COL11A1: variants seen among roughly 807,000 people sequenced by gnomAD.
COL11A1 encodes collagen type XI alpha 1 chain.
A neutral mutation model predicts 265.2 loss-of-function variants in COL11A1; 74 were observed. The observed-to-expected ratio is 0.28, with a 90% CI of 0.23 to 0.34. COL11A1 has a LOEUF of 0.34. Among genes scored for constraint, COL11A1 ranks in the 10% least tolerant of loss-of-function variants. The pLI, the probability that COL11A1 is intolerant of heterozygous loss-of-function variation, is 1.00. For missense variants in COL11A1, 2,165 were observed against 2,263.6 expected (o/e 0.96, Z 0.88); for synonymous variants, 816 against 727.6 (o/e 1.12, Z -1.96).
chr1:102,955,849 C>G (rs1266207623), intron 41 of COL11A1, among the ~76,000 whole-genome samples: 2 of 152,148 alleles, frequency 1.3e-5, no homozygotes, highest in Non-Finnish European at 2.9e-5. Context: ...TGTTCAGTCT[C>G]TTGCTACTTT....
chr1:102,965,511 C>A lies in COL11A1; in HGVS notation c.2892G>T (p.Gly964=). The change falls in exon 38 of 67, where the codon GGG becomes GGT. Residue 964 remains glycine (G), a synonymous_variant. Coordinates refer to ENST00000370096, the MANE Select transcript of COL11A1 (RefSeq NM_001854.4). ...CCTGTGGTCCAACCACTCCCCCTGG[C>A]CCAGGAGGGCCGGTCTTGCCTTGAA... ...TGFQGKTGPP[G]PGGVVGPQGP... 1 of 1,613,594 alleles carries A rather than the reference C, an allele frequency of 6.2e-7. No individual in the cohort carries two copies. The highest frequency in any genetic ancestry group is 1.1e-5 in the South Asian group (1 of 91,066).
chr1:103,038,334 G>A (rs899104185), intron 4 of COL11A1, among the ~76,000 whole-genome samples: 4 of 151,998 alleles, frequency 2.6e-5, no homozygotes, highest in African/African-American at 9.7e-5. Context: ...GCATGGTGGC[G>A]CATGCTTGTA....
At position 102,876,835 on chromosome 1, in the gene COL11A1, A is replaced by G. The variant is rs1649555640; in HGVS notation, c.*1184T>C. Reference sequence around the variant, plus strand: ...GATTTTCCTGAATGACTTAAAACAAATACTCTTAATAACAGTCCACCATAT... The same window carrying G: ...GATTTTCCTGAATGACTTAAAACAAGTACTCTTAATAACAGTCCACCATAT... On this transcript the variant is annotated 3_prime_UTR_variant, in exon 67 of 67. Transcript: ENST00000370096. 5 of 152,238 alleles carry G rather than the reference A, an allele frequency of 3.3e-5. No homozygotes were observed. In the South Asian group the frequency reaches 1.0e-3, roughly 32 times the overall value. The allele number at this position is 152,238 out of a possible 1,614,324, so 9.4% of individuals were successfully genotyped here. A position where few individuals can be genotyped will look rare whatever the true frequency, so the allele number is the denominator to read the frequency against.
intron 1 of COL11A1, among the ~76,000 whole-genome samples, chr1:103,095,213 G>A (rs1252615535): frequency 6.6e-6 from 1 of 151,996 alleles, no homozygotes; most frequent in Non-Finnish European, 1.5e-5. Flanking sequence ...TGACCTAGAT[G>A]CTGCTAACAT....
At chr1:103,035,288 T>A (rs1183401635) in intron 4 of COL11A1, among the ~76,000 whole-genome samples, 1 of 152,062 alleles carries the variant, frequency 6.6e-6, no homozygotes, top group Non-Finnish European at 1.5e-5. Flanking sequence ...TTTAAGCTGA[T>A]CCCCTTTTGA....
chr1:103,080,327 A>G (rs778108448), intron 2 of COL11A1, among the ~76,000 whole-genome samples: 1 of 151,950 alleles, frequency 6.6e-6, no homozygotes, highest in Non-Finnish European at 1.5e-5. Flanking sequence ...AAATAGGATT[A>G]CATTTAACTA....
intron 41 of COL11A1, among the ~76,000 whole-genome samples, chr1:102,951,464 A>G (rs555776312): frequency 5.3e-5 from 8 of 152,298 alleles, no homozygotes; most frequent in Admixed American, 1.3e-4. Context: ...TTGGGAGGCC[A>G]AGGCGGGCGG....
At chr1:103,064,012 C>T (rs536496654) in intron 4 of COL11A1, among the ~76,000 whole-genome samples, 1 of 152,188 alleles carries the variant, frequency 6.6e-6, no homozygotes, top group South Asian at 2.1e-4. Context: ...GAAACCACAA[C>T]ATACCAAAAG....
intron 13 of COL11A1, among the ~76,000 whole-genome samples, chr1:103,012,910 C>G (rs1029269423): frequency 1.4e-4 from 21 of 152,014 alleles, no homozygotes; most frequent in African/African-American, 5.1e-4. Context: ...TAAAACAAAA[C>G]TGGTCAGGAA....
At chr1:102,930,150 A>G (rs12133782) in intron 46 of COL11A1, among the ~76,000 whole-genome samples, 29,294 of 152,032 alleles carry the variant, frequency 0.19, 3,581 homozygotes, top group African/African-American at 0.34. Context: ...TGGTGAGAGA[A>G]GGCATCCCTG....
At chr1:102,962,328 A>G (rs1660998086) in intron 39 of COL11A1, 63 bp from the exon 40 acceptor site, 5 of 1,235,814 alleles carry the variant, frequency 4.0e-6, no homozygotes, top group East Asian at 4.6e-5. Context: ...TACAAACAAA[A>G]TTGTGATTAC....
intron 4 of COL11A1, among the ~76,000 whole-genome samples, chr1:103,069,052 A>G (rs1430719121): frequency 6.6e-6 from 1 of 151,764 alleles, no homozygotes; most frequent in Non-Finnish European, 1.5e-5. Context: ...TTCTTGTAGA[A>G]GTTAATAAGC....
intron 66 of COL11A1, 35 bp from the exon 67 acceptor site, chr1:102,878,200 T>A (rs1649741934): frequency 2.6e-6 from 4 of 1,562,920 alleles, no homozygotes; most frequent in African/African-American, 1.4e-5. Flanking sequence ...AGTTATACAA[T>A]CTTTTAATAT....
At chr1:103,102,928 C>T (rs888605743) in intron 1 of COL11A1, among the ~76,000 whole-genome samples, 1 of 151,878 alleles carries the variant, frequency 6.6e-6, no homozygotes, top group Non-Finnish European at 1.5e-5. Context: ...CAAAATTTTC[C>T]TCCCTTACAT....
intron 4 of COL11A1, among the ~76,000 whole-genome samples, chr1:103,044,886 A>G (rs1301428444): frequency 1.3e-5 from 2 of 152,114 alleles, no homozygotes; most frequent in African/African-American, 4.8e-5. Context: ...AACATAAAGT[A>G]AGAAAGGATA....
intron 41 of COL11A1, chr1:102,961,660 A>G (rs1421359990): frequency 3.7e-6 from 2 of 539,060 alleles, no homozygotes; most frequent in African/African-American, 3.8e-5. Context: ...TGACAGCAGC[A>G]GAAGCAAATA....
intron 46 of COL11A1, among the ~76,000 whole-genome samples, chr1:102,929,255 A>C (rs1053473608): frequency 2.7e-5 from 4 of 150,420 alleles, no homozygotes; most frequent in Admixed American, 6.7e-5. Flanking sequence ...ATCCATCTTG[A>C]ATTGATTTTT....
chr1:102,931,273 A>G (rs1224717906), intron 46 of COL11A1, among the ~76,000 whole-genome samples: 1 of 151,534 alleles, frequency 6.6e-6, no homozygotes, highest in African/African-American at 2.4e-5. Context: ...AATGCGTCCC[A>G]GAGATTCTGG....
At chr1:103,060,820 C>T (rs1670619822) in intron 4 of COL11A1, among the ~76,000 whole-genome samples, 1 of 151,828 alleles carries the variant, frequency 6.6e-6, no homozygotes, top group South Asian at 2.1e-4. Context: ...AAAGAATCAG[C>T]CAGGCATGGT....
Sources: gnomAD v4.1 joint callset for allele counts (sites outside exome capture counted in the v4.1 genomes callset) on GRCh38, gnomAD v4.1.1 for gene constraint, MANE v1.5 for transcripts, NCBI Gene and HGNC (gene_info 2026-07-23, HGNC 2026-07-21) for gene names.